The following CGNL1 variants were observed in gnomAD, a reference collection of about 807,000 sequenced individuals.
The protein encoded by CGNL1 is cingulin like 1, also known as cingulin-like protein 1.
Under a neutral mutation model 141.2 loss-of-function variants are expected in CGNL1, and 132 were observed. The observed-to-expected ratio is 0.93, with a 90% CI of 0.81 to 1.08. The LOEUF is 1.08. Ranked by LOEUF, CGNL1 falls within the 50% of genes least tolerant of loss-of-function variation. The pLI, the probability that CGNL1 is intolerant of heterozygous loss-of-function variation, is 0.00. For synonymous variants in CGNL1, 690 were observed against 622.1 expected (o/e 1.11, Z -1.63); for missense variants, 1,870 against 1,588.6 (o/e 1.18, Z -3.01).
chr15:57,435,241 A>T (rs2063091713), intron 1 of CGNL1, among the ~76,000 whole-genome samples: 1 of 152,060 alleles, frequency 6.6e-6, no homozygotes, highest in Non-Finnish European at 1.5e-5. Context: ...TAATAATGTA[A>T]ATAGTTGACT....
Position 57,439,206 on chromosome 15 carries a change from T to C in CGNL1, c.1207T>C (p.Tyr403His), listed in dbSNP as rs142863008. ...TTTTGGCCTCCAAGGGAACTCGGAG[T>C]ACCTGATTGAATTCAGTAGGAACTT... The part of the protein sequence containing the change: ...FPFGLQGNSE[Y>H]LIEFSRNLGK... The change falls in exon 2 of 19, where the codon TAC becomes CAC. Residue 403 changes from tyrosine (Y) to histidine (H), a missense_variant. Physicochemically the swap from Tyr to His is moderately conservative, Grantham distance 83. Transcript: ENST00000281282. 132 of 1,614,068 alleles carry C rather than the reference T, an allele frequency of 8.2e-5. 1 individual carries two copies. The African/African-American group carries it at 1.6e-3, about 19-fold the overall frequency.
chr15:57,545,251 T>C (rs2032793067), intron 16 of CGNL1, among the ~76,000 whole-genome samples: 1 of 152,242 alleles, frequency 6.6e-6, no homozygotes, highest in Non-Finnish European at 1.5e-5. Flanking sequence ...AGTTGGACTT[T>C]TGGGGAGTCA....
intron 8 of CGNL1, among the ~76,000 whole-genome samples, chr15:57,503,841 G>T (rs1265438157): frequency 2.0e-5 from 3 of 152,128 alleles, no homozygotes; most frequent in Admixed American, 2.0e-4. Context: ...AGACTAGGAT[G>T]GGAAAGACTG....
intron 8 of CGNL1, among the ~76,000 whole-genome samples, chr15:57,480,533 A>G (rs1224686730): frequency 6.6e-6 from 1 of 152,146 alleles, no homozygotes; most frequent in African/African-American, 2.4e-5. Flanking sequence ...AAAAGAAAAA[A>G]AGAAAGAAAA....
At chr15:57,488,672 C>G (rs2063817619) in intron 8 of CGNL1, among the ~76,000 whole-genome samples, 1 of 152,184 alleles carries the variant, frequency 6.6e-6, no homozygotes, top group African/African-American at 2.4e-5. Flanking sequence ...CTTTACATTT[C>G]AGGAGAGCTA....
At chr15:57,442,898 C>T (rs559269506) in intron 4 of CGNL1, among the ~76,000 whole-genome samples, 5 of 152,252 alleles carry the variant, frequency 3.3e-5, no homozygotes, top group East Asian at 3.9e-4. Flanking sequence ...GGATTACAGG[C>T]GTAAGCCACC....
rs61564944 is a variant in CGNL1, at chr15:57,442,182, GAAAAAAA to G, written c.1698-176_1698-170del. 8.9e-3 allele frequency among the ~76,000 whole-genome samples: 859 copies of G among 96,522 alleles called. 17 individuals carry two copies. The highest frequency in any genetic ancestry group is 0.016 in the Admixed American group (135 of 8,192). 63.3% of individuals were successfully genotyped at this position (96,522 alleles called of 152,430 possible). A position where few individuals can be genotyped will look rare whatever the true frequency, so the allele number is the denominator to read the frequency against. ...TTGAGTGGTAACACATCATTTATTT[GAAAAAAA>G]AAAAAAAAAAAAAAGACACCATCCA... On this transcript the variant is annotated intron_variant, in intron 3 of 18. Transcript: ENST00000281282.
At chr15:57,512,676 T>C (rs1451353626) in intron 8 of CGNL1, among the ~76,000 whole-genome samples, 1 of 152,204 alleles carries the variant, frequency 6.6e-6, no homozygotes, top group African/African-American at 2.4e-5. Flanking sequence ...TTCCCTTATC[T>C]AACACGCTAG....
chr15:57,494,450 C>G (rs925896825), intron 8 of CGNL1, among the ~76,000 whole-genome samples: 1 of 152,062 alleles, frequency 6.6e-6, no homozygotes, highest in African/African-American at 2.4e-5. Flanking sequence ...TTCCTTTTTT[C>G]TCCTCTGCAC....
rs369344969 is a variant in CGNL1, at chr15:57,519,958, A to G, written c.2715+1461A>G. On this transcript the variant is annotated intron_variant, in intron 10 of 18. Transcript: ENST00000281282. ...TCATAGTGAATTCAGTGCACAGAAC[A>G]GGTGATGGCCTTGGGGCCTGAAGAT... Among the ~76,000 whole-genome samples, 3 of 152,354 alleles carry G rather than the reference A, an allele frequency of 2.0e-5. No individual in the cohort carries two copies. In the East Asian group the frequency reaches 5.8e-4, roughly 29 times the overall value.
At chr15:57,512,119 C>T (rs762182331) in intron 8 of CGNL1, among the ~76,000 whole-genome samples, 1 of 152,146 alleles carries the variant, frequency 6.6e-6, no homozygotes, top group Non-Finnish European at 1.5e-5. Flanking sequence ...CCATGAGACA[C>T]AAAGTCTCAT....
chr15:57,509,003 A>G (rs1177483594), intron 8 of CGNL1, among the ~76,000 whole-genome samples: 2 of 152,208 alleles, frequency 1.3e-5, no homozygotes, highest in Non-Finnish European at 2.9e-5. Flanking sequence ...CTGTACCTGA[A>G]TAGTTGACCT....
At chr15:57,487,203 T>C (rs1442741309) in intron 8 of CGNL1, among the ~76,000 whole-genome samples, 1 of 152,222 alleles carries the variant, frequency 6.6e-6, no homozygotes. Context: ...CAAATTCATA[T>C]TATGAAGAAC....
intron 8 of CGNL1, among the ~76,000 whole-genome samples, chr15:57,490,802 G>A (rs868565513): frequency 2.0e-5 from 3 of 152,084 alleles, no homozygotes; most frequent in African/African-American, 4.8e-5. Flanking sequence ...TAAACATTAC[G>A]TCAGCCACGT....
At chr15:57,536,650 C>G (rs2140206154) in intron 14 of CGNL1, among the ~76,000 whole-genome samples, 1 of 152,296 alleles carries the variant, frequency 6.6e-6, no homozygotes, top group East Asian at 1.9e-4. Flanking sequence ...CCAGAGTAAT[C>G]CTTTTTCCTT....
intron 1 of CGNL1, among the ~76,000 whole-genome samples, chr15:57,381,956 G>T (rs749367188): frequency 2.5e-4 from 38 of 152,146 alleles, no homozygotes; most frequent in Non-Finnish European, 5.1e-4. Context: ...TCTCTGAACG[G>T]GTCCCACATC....
intron 8 of CGNL1, among the ~76,000 whole-genome samples, chr15:57,471,867 G>A (rs1225456338): frequency 6.6e-6 from 1 of 152,120 alleles, no homozygotes; most frequent in African/African-American, 2.4e-5. Context: ...TTTTATTTAT[G>A]TCAGGCACTG....
At chr15:57,498,044 C>T (rs1172393025) in intron 8 of CGNL1, among the ~76,000 whole-genome samples, 2 of 151,918 alleles carry the variant, frequency 1.3e-5, no homozygotes, top group Admixed American at 1.3e-4. Flanking sequence ...TGTTTTTTTT[C>T]CATCTGCACT....
chr15:57,405,843 T>TTCCTTC (rs1567096855), intron 1 of CGNL1: 35 of 127,628 alleles, frequency 2.7e-4, no homozygotes, highest in African/African-American at 8.8e-4. Flanking sequence ...TTTCTTTTCT[T>TTCCTTC]TTTCTTTCTT....
Sources: gnomAD v4.1 joint callset for allele counts (sites outside exome capture counted in the v4.1 genomes callset) on GRCh38, gnomAD v4.1.1 for gene constraint, MANE v1.5 for transcripts, NCBI Gene and HGNC (gene_info 2026-07-23, HGNC 2026-07-21) for gene names.